The following AP4E1 variants were observed in gnomAD, a reference collection of about 807,000 sequenced individuals.
The protein encoded by AP4E1 is AP-4 complex subunit epsilon-1.
AP4E1 carries 56 observed loss-of-function variants against 128.2 expected under a neutral mutation model. The ratio of observed to expected loss-of-function variants is 0.44; its 90% CI spans 0.35 to 0.55. The LOEUF (loss-of-function observed/expected upper bound fraction) is 0.55, where lower values mean the gene tolerates loss of function less well. AP4E1 is among the 20% of genes least tolerant of loss of function. AP4E1 has a pLI of 0.00. For synonymous variants in AP4E1, 484 were observed against 473.1 expected, an observed-to-expected ratio of 1.02 and a Z score of -0.30; for missense variants, 1,324 against 1,307.7, an observed-to-expected ratio of 1.01 and a Z score of -0.19.
intron 13 of AP4E1, among the ~76,000 whole-genome samples, chr15:50,954,483 T>TC (rs2064190244): frequency 1.3e-5 from 2 of 152,194 alleles, no homozygotes; most frequent in African/African-American, 2.4e-5. Context: ...TTGTTGTTTT[T>TC]CCCCCCCTTG....
intron 14 of AP4E1, among the ~76,000 whole-genome samples, chr15:50,966,484 A>G (rs1448481548): frequency 6.6e-6 from 1 of 151,884 alleles, no homozygotes; most frequent in Non-Finnish European, 1.5e-5. Context: ...GTTTTCCTCC[A>G]ATAAAAAATA....
chr15:50,984,576 C>A (rs943746252), intron 16 of AP4E1, among the ~76,000 whole-genome samples: 5 of 150,272 alleles, frequency 3.3e-5, no homozygotes, highest in East Asian at 2.0e-4. Flanking sequence ...TTTGTCCTTG[C>A]GATAGTTTGC....
intron 13 of AP4E1, among the ~76,000 whole-genome samples, chr15:50,957,412 GGGTCTTTATA>G (rs1490426058): frequency 6.6e-6 from 1 of 152,088 alleles, no homozygotes; most frequent in Non-Finnish European, 1.5e-5. Context: ...GCTGAGTCTG[GGGTCTTTATA>G]GGCACAGGAT....
chr15:50,975,401 A>G (rs1042877118), intron 15 of AP4E1, among the ~76,000 whole-genome samples: 5 of 152,150 alleles, frequency 3.3e-5, no homozygotes, highest in African/African-American at 1.2e-4. Context: ...GCAAAACTTC[A>G]TCTCTTTCTA....
intron 1 of AP4E1, among the ~76,000 whole-genome samples, chr15:50,911,225 A>G (rs958000108): frequency 1.3e-5 from 2 of 152,156 alleles, no homozygotes; most frequent in African/African-American, 2.4e-5. Context: ...TTAGGGAGAT[A>G]ACATACAATG....
chr15:50,967,397 C>T (rs538076273), intron 14 of AP4E1, among the ~76,000 whole-genome samples: 52 of 152,136 alleles, frequency 3.4e-4, no homozygotes, highest in African/African-American at 1.2e-3. Flanking sequence ...GAGGAGAAGG[C>T]GAAGTAACAA....
intron 13 of AP4E1, among the ~76,000 whole-genome samples, 167 bp downstream of exon 13, chr15:50,950,336 T>C (rs909745609): frequency 2.0e-5 from 3 of 152,230 alleles, no homozygotes; most frequent in African/African-American, 7.2e-5. Flanking sequence ...GTTTTTTCTC[T>C]CTGCCATCTC....
intron 10 of AP4E1, 64 bp from the exon 11 acceptor site, chr15:50,947,956 A>T: frequency 1.6e-6 from 2 of 1,280,470 alleles, no homozygotes; most frequent in South Asian, 1.3e-5. Flanking sequence ...CCTTTATGTT[A>T]CTGTACTCAT....
chr15:51,002,469 A>G (rs1203400474), intron 20 of AP4E1, 33 bp from the exon 21 acceptor site: 1 of 1,611,604 alleles, frequency 6.2e-7, no homozygotes, highest in Non-Finnish European at 8.5e-7. Flanking sequence ...CTCCTTTTGC[A>G]TTAAATCATT....
Position 50,908,703 on chromosome 15 carries a change from C to A in AP4E1, c.-76C>A. On this transcript the variant is annotated 5_prime_UTR_variant, in exon 1 of 21. Transcript: ENST00000261842. ...CAGGAAGTGCCTACGGAGGCCGGGC[C>A]GGCAGCGGCGGCCGGGCATGAAGCC... The A allele has an allele frequency of 7.9e-6, 11 of 1,390,880 alleles. No homozygotes were observed. Among genetic ancestry groups the A allele is most frequent in the South Asian group, 3.4e-5 (2 of 58,984 alleles). 86.2% of individuals were successfully genotyped at this position (1,390,880 alleles called of 1,614,324 possible).
intron 14 of AP4E1, among the ~76,000 whole-genome samples, chr15:50,966,747 G>A (rs975009297): frequency 1.3e-5 from 2 of 152,038 alleles, no homozygotes; most frequent in Non-Finnish European, 2.9e-5. Flanking sequence ...ATGTTGGTCA[G>A]GCTGGTCTCG....
intron 5 of AP4E1, among the ~76,000 whole-genome samples, chr15:50,927,616 C>G (rs887065648): frequency 3.3e-5 from 5 of 151,578 alleles, no homozygotes; most frequent in African/African-American, 1.2e-4. Flanking sequence ...CTTGCATTCA[C>G]CACAGTATTA....
chr15:50,974,965 T>C (rs1280063843), intron 15 of AP4E1, among the ~76,000 whole-genome samples: 3 of 152,238 alleles, frequency 2.0e-5, no homozygotes, highest in Non-Finnish European at 4.4e-5. Context: ...TCCTATTCCA[T>C]AGGTTGCCTT....
chr15:50,950,139 T>G lies in AP4E1; in HGVS notation c.1518T>G (p.Tyr506Ter), dbSNP rs1304155278. The G allele has an allele frequency of 6.2e-7, 1 of 1,612,592 alleles. No homozygotes were observed. The highest frequency in any genetic ancestry group is 1.7e-5 in the Admixed American group (1 of 59,992). The change falls in exon 13 of 21, where the codon TAT becomes TAG. Residue 506 changes from tyrosine to a stop codon, truncating the protein, a stop_gained. Transcript: ENST00000261842. LOFTEE classifies it high-confidence loss of function. ...TACTGGATATGGAAAATGTGTTCTA[T>G]CCACAGAGATTTCTTCAAGTTATGA... The part of the protein sequence containing the change: ...LTLLDMENVF[Y>*]PQRFLQVMSW...
chr15:50,977,848 A>G (rs1156768322), intron 15 of AP4E1, among the ~76,000 whole-genome samples: 1 of 151,710 alleles, frequency 6.6e-6, no homozygotes, highest in Non-Finnish European at 1.5e-5. Flanking sequence ...TAGCTAGGAC[A>G]ACTGGTGCAT....
Position 50,968,154 on chromosome 15 carries a change from T to C in AP4E1, c.1852-109T>C, listed in dbSNP as rs967364930. 24 of 788,900 alleles carry C rather than the reference T, an allele frequency of 3.0e-5. No individual in the cohort carries two copies. In the South Asian group the frequency reaches 3.9e-4, roughly 13 times the overall value. The allele number at this position is 788,900 out of a possible 1,614,324, so 48.9% of individuals were successfully genotyped here. On this transcript the variant is annotated intron_variant, in intron 14 of 20. Transcript: ENST00000261842. ...TTTTTAGAACTGAAGTTTTCATTTC[T>C]CATTTAGAATTTTAAAAAATATATA...
Position 50,908,756 on chromosome 15 carries a change from C to T in AP4E1, c.-23C>T, listed in dbSNP as rs766895302. ...GCGGCTACGGGATCGCGGGCGGCGGCGGCATCGCGGGCGGCGGCGGCGATG... is the reference window on the plus strand; with the variant it reads ...GCGGCTACGGGATCGCGGGCGGCGGTGGCATCGCGGGCGGCGGCGGCGATG... On this transcript the variant is annotated 5_prime_UTR_variant, in exon 1 of 21. Coordinates refer to ENST00000261842, the MANE Select transcript of AP4E1 (RefSeq NM_007347.5). 9 of 1,510,876 alleles carry T rather than the reference C, an allele frequency of 6.0e-6. 1 individual carries two copies. The South Asian group carries it at 8.9e-5, about 15-fold the overall frequency. The allele number at this position is 1,510,876 out of a possible 1,614,324, so 93.6% of individuals were successfully genotyped here.
At chr15:51,002,402 A>G (rs1348853646) in intron 20 of AP4E1, 100 bp from the exon 21 acceptor site, 1 of 1,271,184 alleles carries the variant, frequency 7.9e-7, no homozygotes, top group Admixed American at 1.7e-5. Context: ...GATATTGAGT[A>G]TCTTTTCATG....
chr15:50,957,388 C>T (rs1349340565), intron 13 of AP4E1, among the ~76,000 whole-genome samples: 2 of 152,122 alleles, frequency 1.3e-5, no homozygotes, highest in Non-Finnish European at 2.9e-5. Context: ...CCAGCTGCTT[C>T]TTCCTCTATG....
Sources: gnomAD v4.1 joint callset for allele counts (sites outside exome capture counted in the v4.1 genomes callset) on GRCh38, gnomAD v4.1.1 for gene constraint, MANE v1.5 for transcripts, NCBI Gene and HGNC (gene_info 2026-07-23, HGNC 2026-07-21) for gene names.